Variants in TLN2 observed in about 807,000 individuals in gnomAD.
TLN2 encodes the protein talin 2.
Under a neutral mutation model 294.7 loss-of-function variants are expected in TLN2, and 118 were observed. That is an observed-to-expected ratio of 0.40 (90% CI 0.34 to 0.47). TLN2 has a LOEUF of 0.47. Among genes scored for constraint, TLN2 ranks in the 20% least tolerant of loss-of-function variants. The pLI, the probability that TLN2 is intolerant of heterozygous loss-of-function variation, is 0.84. For synonymous variants in TLN2, 1,431 were observed against 1,304.5 expected (o/e 1.10, Z -2.09); for missense variants, 3,083 against 3,282.2 (o/e 0.94, Z 1.48).
At chr15:62,636,097 G>C (rs2050354962) in intron 3 of TLN2, among the ~76,000 whole-genome samples, 1 of 152,078 alleles carries the variant, frequency 6.6e-6, no homozygotes, top group Non-Finnish European at 1.5e-5. Context: ...ACATGTGTTA[G>C]CTGCTACTAT....
rs1406806754 is a variant in TLN2 at position 62,479,010 on chromosome 15, T to C, written c.-238+88325T>C. ...GGGAAACATGCTATCACTTTTGTGT[T>C]ACAAACTGTGTTCCTAAATCCATGC... On this transcript the variant is annotated intron_variant, in intron 1 of 58. Transcript: ENST00000636159. Among the ~76,000 whole-genome samples, 6 of 152,202 alleles carry C rather than the reference T, an allele frequency of 3.9e-5. No homozygotes were observed. In the East Asian group the frequency reaches 1.2e-3, roughly 29 times the overall value.
intron 14 of TLN2, among the ~76,000 whole-genome samples, chr15:62,697,073 C>T (rs1408749404): frequency 6.6e-6 from 1 of 152,084 alleles, no homozygotes; most frequent in African/African-American, 2.4e-5. Flanking sequence ...TCACTTAAAA[C>T]CTGGAACATC....
At chr15:62,403,244 A>AC (rs1000563959) in intron 1 of TLN2, among the ~76,000 whole-genome samples, 1 of 151,954 alleles carries the variant, frequency 6.6e-6, no homozygotes, top group Non-Finnish European at 1.5e-5. Flanking sequence ...GGAAAAAAAA[A>AC]AACAGCAGGA....
rs775290313 is a variant in TLN2 at position 62,717,726 on chromosome 15, AGATGACCCT to A, written c.2877+41_2877+49del. 8 of 1,448,120 alleles carry A rather than the reference AGATGACCCT, an allele frequency of 5.5e-6. No homozygotes were observed. The South Asian group carries it at 9.9e-5, about 18-fold the overall frequency. The allele number at this position is 1,448,120 out of a possible 1,614,324, so 89.7% of individuals were successfully genotyped here. A position where few individuals can be genotyped will look rare whatever the true frequency, so the allele number is the denominator to read the frequency against. On this transcript the variant is annotated intron_variant, in intron 24 of 58. Coordinates refer to ENST00000636159, the MANE Select transcript of TLN2 (RefSeq NM_015059.3). ...GTGCACAGAGAGCCAGGTCAGCTGC[AGATGACCCT>A]GATAACATTAGAACACCAAGTCCCC...
intron 1 of TLN2, among the ~76,000 whole-genome samples, chr15:62,531,352 G>T (rs1041261473): frequency 2.0e-5 from 3 of 152,214 alleles, no homozygotes; most frequent in Admixed American, 2.0e-4. Flanking sequence ...CTCACGTGTG[G>T]AATCCTTGAT....
chr15:62,824,566 A>G lies in TLN2; in HGVS notation c.7002+3956A>G, dbSNP rs531390501. ...ATACTGAGTCAGTGAGCTTTGTACA[A>G]ACCTTGGATATAGGACTAAATATAT... is the stretch of plus-strand genomic sequence containing the variant. On this transcript the variant is annotated intron_variant, in intron 54 of 58. Coordinates refer to ENST00000636159, the MANE Select transcript of TLN2 (RefSeq NM_015059.3). Among the ~76,000 whole-genome samples, 202 of 152,338 alleles carry G rather than the reference A, an allele frequency of 1.3e-3. 1 individual carries two copies. The highest frequency in any genetic ancestry group is 4.8e-3 in the African/African-American group (199 of 41,564).
chr15:62,446,306 C>G lies in TLN2; in HGVS notation c.-238+55621C>G, dbSNP rs141920003. The stretch of plus-strand genomic sequence containing the variant: ...CCGCGCCCGGCTTAAGCTCTGTAGT[C>G]TTAAACTCCTAATAAGCATCTGGAA... On this transcript the variant is annotated intron_variant, in intron 1 of 58. Coordinates refer to ENST00000636159, the MANE Select transcript of TLN2 (RefSeq NM_015059.3). Among the ~76,000 whole-genome samples, 14 of 152,294 alleles carry G rather than the reference C, an allele frequency of 9.2e-5. No individual in the cohort carries two copies. The East Asian group carries it at 2.5e-3, about 27-fold the overall frequency.
chr15:62,421,176 G>A (rs2034369092), intron 1 of TLN2, among the ~76,000 whole-genome samples: 1 of 152,002 alleles, frequency 6.6e-6, no homozygotes, highest in Admixed American at 6.6e-5. Flanking sequence ...TCTTGTTACC[G>A]GTCCACGAGA....
At chr15:62,783,648 C>G in intron 44 of TLN2, 123 bp from the exon 45 acceptor site, 2 of 1,450,344 alleles carry the variant, frequency 1.4e-6, no homozygotes, top group South Asian at 2.9e-5. Flanking sequence ...CCTTCACCCC[C>G]TCAGGAGCTT....
In TLN2 at chr15:62,686,856, C is replaced by G. The variant is rs904868501; in HGVS notation, c.1113+60C>G. On this transcript the variant is annotated intron_variant, in intron 12 of 58. Transcript: ENST00000636159. ...GTGGCCTTGAGTGATATTGTGGGGA[C>G]AGGAGAAAGACCAGATTCTTGCCCA... 1.3e-5 allele frequency: 21 copies of G among 1,589,016 alleles called. No individual in the cohort carries two copies. In the African/African-American group the frequency reaches 2.8e-4, roughly 21 times the overall value.
intron 3 of TLN2, among the ~76,000 whole-genome samples, chr15:62,634,840 G>A (rs1043680347): frequency 6.6e-6 from 1 of 152,256 alleles, no homozygotes; most frequent in African/African-American, 2.4e-5. Flanking sequence ...ATGGCTTTCT[G>A]TAGTAAAGTC....
chr15:62,804,228 A>T (rs1428274070), intron 50 of TLN2, among the ~76,000 whole-genome samples: 1 of 152,184 alleles, frequency 6.6e-6, no homozygotes, highest in Non-Finnish European at 1.5e-5. Context: ...GTGGTGATCA[A>T]AGAGACTTGA....
In TLN2 at chr15:62,797,310, G is replaced by A. The variant is rs754938715; in HGVS notation, c.6142G>A (p.Ala2048Thr). 6.2e-6 allele frequency: 10 copies of A among 1,613,664 alleles called. No homozygotes were observed. In the Admixed American group the frequency reaches 8.3e-5, roughly 13 times the overall value. The change falls in exon 48 of 59, where the codon GCG (alanine) becomes ACG (threonine). Residue 2048 changes from alanine to threonine, a missense_variant. By Grantham distance (58) the Ala-to-Thr change is moderately conservative. Coordinates refer to ENST00000636159, the MANE Select transcript of TLN2 (RefSeq NM_015059.3). ...GTCCACTCCTGACAAGCTGGCCCAG[G>A]CGGCCCAGTCCTCAGCAGCCACCAT... is the stretch of plus-strand genomic sequence containing the variant. ...AASTPDKLAQ[A>T]AQSSAATITQ...
chr15:62,648,186 C>A (rs2052124817), intron 4 of TLN2, among the ~76,000 whole-genome samples: 1 of 151,914 alleles, frequency 6.6e-6, no homozygotes. Flanking sequence ...TTTGGGAGGC[C>A]AAGGCGGGAA....
At chr15:62,760,714 TC>T (rs1220204002) in intron 37 of TLN2, among the ~76,000 whole-genome samples, 1 of 152,176 alleles carries the variant, frequency 6.6e-6, no homozygotes, top group African/African-American at 2.4e-5. Flanking sequence ...CAGGCCACAT[TC>T]CTGGATCCTT....
intron 1 of TLN2, among the ~76,000 whole-genome samples, chr15:62,577,013 G>C (rs1240108729): frequency 6.6e-6 from 1 of 152,212 alleles, no homozygotes; most frequent in African/African-American, 2.4e-5. Context: ...ACTAAGGCCT[G>C]CTGTGTCTTT....
chr15:62,632,994 A>G (rs2050053093), intron 3 of TLN2, among the ~76,000 whole-genome samples: 1 of 152,274 alleles, frequency 6.6e-6, no homozygotes. Context: ...CAAACAAAGT[A>G]TAATTCTGCC....
At chr15:62,591,649 G>C (rs370934895) in intron 2 of TLN2, among the ~76,000 whole-genome samples, 22 of 152,334 alleles carry the variant, frequency 1.4e-4, no homozygotes, top group African/African-American at 4.8e-4. Flanking sequence ...CCTCTGGCCA[G>C]ATGTGATCTG....
In TLN2 at chr15:62,833,429, G is replaced by A. The variant is rs184722561; in HGVS notation, c.7003-75G>A. 45 of 1,565,992 alleles carry A rather than the reference G, an allele frequency of 2.9e-5. No homozygotes were observed. In the East Asian group the frequency reaches 3.0e-4, roughly 10 times the overall value. ...AGGCAGGTGAAGAGCCAGGTGACCC[G>A]GCAGTAAGTAGTTTGGAAGAAAGAG... On this transcript the variant is annotated intron_variant, in intron 54 of 58. Coordinates refer to ENST00000636159, the MANE Select transcript of TLN2 (RefSeq NM_015059.3).
Sources: allele counts gnomAD v4.1 joint callset (sites outside exome capture counted in the v4.1 genomes callset), GRCh38; gene constraint gnomAD v4.1.1; transcripts MANE v1.5; gene names NCBI Gene and HGNC (gene_info 2026-07-23, HGNC 2026-07-21).